Variants in DRD3 observed in about 807,000 individuals in gnomAD.
DRD3 encodes the protein D(3) dopamine receptor.
Under a neutral mutation model 36.3 loss-of-function variants are expected in DRD3, and 19 were observed. The ratio of observed to expected loss-of-function variants is 0.52; its 90% CI spans 0.36 to 0.77. The LOEUF is 0.77. DRD3 is among the 30% of genes least tolerant of loss of function. The probability of loss-of-function intolerance (pLI) is 0.00; values close to 1 mark genes in which losing one functional copy is unlikely to be tolerated. For missense variants in DRD3, 465 were observed against 505.3 expected (o/e 0.92, Z 0.77); for synonymous variants, 195 against 203.7 (o/e 0.96, Z 0.36).
intron 5 of DRD3, among the ~76,000 whole-genome samples, chr3:114,134,074 GCCA>G (rs1168229509): frequency 4.6e-5 from 7 of 152,250 alleles, no homozygotes; most frequent in African/African-American, 1.7e-4. Context: ...GAGCCTGTGA[GCCA>G]CCTGACAGCT....
chr3:114,140,425 A>C (rs1269905961), intron 4 of DRD3, among the ~76,000 whole-genome samples: 1 of 152,208 alleles, frequency 6.6e-6, no homozygotes, highest in East Asian at 1.9e-4. Context: ...TGCCTTCTTC[A>C]TAGCAGATGC....
rs1173228346 is a variant in DRD3 at position 114,135,356 on chromosome 3, C to T, written c.724-3956G>A. ...AGCTGGGACTACAGGCGCCCGCCAC[C>T]GCGCCCGGCTAATTTTTTGTATTTT... is the stretch of plus-strand genomic sequence containing the variant. On this transcript the variant is annotated intron_variant, in intron 5 of 6. Coordinates refer to ENST00000383673, the MANE Select transcript of DRD3 (RefSeq NM_000796.6). Among the ~76,000 whole-genome samples, 10 of 6,968 alleles carry T rather than the reference C, an allele frequency of 1.4e-3. 5 individuals are homozygous for T. Among genetic ancestry groups the T allele is most frequent in the African/African-American group, 1.6e-3 (10 of 6,362 alleles). The allele number at this position is 6,968 out of a possible 152,430, so 4.6% of individuals were successfully genotyped here.
chr3:114,198,049 A>G (rs1359120534), intron 1 of DRD3, among the ~76,000 whole-genome samples: 2 of 152,168 alleles, frequency 1.3e-5, no homozygotes, highest in African/African-American at 4.8e-5. Context: ...ATATAAATCT[A>G]TATTGAATCT....
Position 114,131,413 on chromosome 3 carries a change from C to A in DRD3, c.724-13G>T. 1 of 1,603,854 alleles carries A rather than the reference C, an allele frequency of 6.2e-7. No homozygotes were observed. The highest frequency in any genetic ancestry group is 8.5e-7 in the Non-Finnish European group (1 of 1,173,188). On this transcript the variant is annotated splice_polypyrimidine_tract_variant and intron_variant, in intron 5 of 6. Transcript: ENST00000383673. ...CAGGAGAGAGGGTCTGCAGGTGTGACAAGAGGGAATCTTGACATTTCTGGG... is the reference window on the plus strand; with the variant it reads ...CAGGAGAGAGGGTCTGCAGGTGTGAAAAGAGGGAATCTTGACATTTCTGGG...
intron 1 of DRD3, chr3:114,199,228 C>T (rs1227830188): frequency 6.6e-6 from 1 of 151,782 alleles, no homozygotes; most frequent in Non-Finnish European, 1.5e-5. Context: ...GACAGAATAC[C>T]TGAGACTGGA....
Position 114,138,422 on chromosome 3 carries a change from C to T in DRD3, c.723+1078G>A, listed in dbSNP as rs1261353319. Among the ~76,000 whole-genome samples the T allele has an allele frequency of 2.0e-5, 3 of 152,098 alleles. No individual in the cohort carries two copies. The East Asian group carries it at 5.8e-4, about 29-fold the overall frequency. ...CACAATCATGGTGGAAGGTGAAAGG[C>T]ACGTCTTACATGGCAGCAGACAAGA... is the stretch of plus-strand genomic sequence containing the variant. On this transcript the variant is annotated intron_variant, in intron 5 of 6. Transcript: ENST00000383673.
At chr3:114,177,478 T>A (rs2077911630) in intron 1 of DRD3, among the ~76,000 whole-genome samples, 1 of 152,176 alleles carries the variant, frequency 6.6e-6, no homozygotes. Flanking sequence ...AGACTGAGCA[T>A]CCTACCATTC....
intron 1 of DRD3, among the ~76,000 whole-genome samples, chr3:114,198,676 T>C (rs981573522): frequency 6.6e-6 from 1 of 152,148 alleles, no homozygotes; most frequent in African/African-American, 2.4e-5. Context: ...TATAGATACA[T>C]AGGTATCTAT....
intron 2 of DRD3, among the ~76,000 whole-genome samples, chr3:114,168,713 C>A (rs1053999593): frequency 6.6e-6 from 1 of 152,220 alleles, no homozygotes; most frequent in Admixed American, 6.5e-5. Context: ...TGTGATGACA[C>A]CATGGGGCAG....
intron 4 of DRD3, among the ~76,000 whole-genome samples, chr3:114,142,700 T>C (rs1007290992): frequency 6.6e-6 from 1 of 151,770 alleles, no homozygotes; most frequent in Non-Finnish European, 1.5e-5. Flanking sequence ...ACCTTATGAA[T>C]GTTTTATGTG....
intron 2 of DRD3, among the ~76,000 whole-genome samples, chr3:114,167,753 G>A (rs776830757): frequency 3.3e-5 from 5 of 152,172 alleles, no homozygotes; most frequent in South Asian, 2.1e-4. Context: ...CTATGAGATC[G>A]CTGGGCAGTA....
At chr3:114,155,676 C>T (rs1276740111) in intron 3 of DRD3, among the ~76,000 whole-genome samples, 1 of 151,902 alleles carries the variant, frequency 6.6e-6, no homozygotes, top group Non-Finnish European at 1.5e-5. Flanking sequence ...CACCCTTGCG[C>T]AGGGAACAAC....
At chr3:114,133,926 G>T (rs902250185) in intron 5 of DRD3, among the ~76,000 whole-genome samples, 24 of 152,306 alleles carry the variant, frequency 1.6e-4, no homozygotes, top group African/African-American at 5.5e-4. Flanking sequence ...ACTTTGAACT[G>T]GAACTTGTGA....
intron 3 of DRD3, among the ~76,000 whole-genome samples, chr3:114,158,329 T>A (rs2077702124): frequency 6.6e-6 from 1 of 151,864 alleles, no homozygotes; most frequent in Admixed American, 6.6e-5. Flanking sequence ...ACACTTTGAG[T>A]GGATGAATTG....
intron 3 of DRD3, among the ~76,000 whole-genome samples, chr3:114,147,831 G>A (rs1228186261): frequency 2.0e-5 from 3 of 152,120 alleles, no homozygotes; most frequent in African/African-American, 7.2e-5. Flanking sequence ...TTGTTGCCCA[G>A]GCTAGTCTCA....
intron 5 of DRD3, among the ~76,000 whole-genome samples, chr3:114,131,637 C>T (rs536311979): frequency 6.6e-5 from 10 of 152,262 alleles, no homozygotes; most frequent in Admixed American, 1.3e-4. Flanking sequence ...AGGCAGCCTA[C>T]AGAATGGGAG....
chr3:114,158,869 G>C (rs114429969), intron 3 of DRD3, among the ~76,000 whole-genome samples: 2 of 152,160 alleles, frequency 1.3e-5, no homozygotes, highest in African/African-American at 4.8e-5. Context: ...GGGAGGGAGA[G>C]AACTCAGAGC....
At chr3:114,137,668 A>G (rs1237559351) in intron 5 of DRD3, among the ~76,000 whole-genome samples, 1 of 152,066 alleles carries the variant, frequency 6.6e-6, no homozygotes, top group Non-Finnish European at 1.5e-5. Flanking sequence ...CCAACAAGGA[A>G]AAACCCTGTC....
chr3:114,148,979 C>T (rs1324870416), intron 3 of DRD3, among the ~76,000 whole-genome samples: 1 of 152,172 alleles, frequency 6.6e-6, no homozygotes, highest in East Asian at 1.9e-4. Context: ...TCCCAAAGTG[C>T]TAGGATTATA....
Sources: gnomAD v4.1 joint callset for allele counts (sites outside exome capture counted in the v4.1 genomes callset) on GRCh38, gnomAD v4.1.1 for gene constraint, MANE v1.5 for transcripts, NCBI Gene and HGNC (gene_info 2026-07-23, HGNC 2026-07-21) for gene names.